The following LRP5 variants were observed in gnomAD, a reference collection of about 807,000 sequenced individuals.
The protein encoded by LRP5 is low-density lipoprotein receptor-related protein 5.
A neutral mutation model predicts 154.1 loss-of-function variants in LRP5; 62 were observed. That is an observed-to-expected ratio of 0.40 (90% CI 0.33 to 0.50). The LOEUF is 0.50. Among genes scored for constraint, LRP5 ranks in the 20% least tolerant of loss-of-function variants. The pLI, the probability that LRP5 is intolerant of heterozygous loss-of-function variation, is 0.55. For missense variants in LRP5, 1,915 were observed against 2,336.7 expected (o/e 0.82, Z 3.72); for synonymous variants, 966 against 1,011.5 (o/e 0.96, Z 0.85).
At chr11:68,317,143 C>T (rs930944143) in intron 1 of LRP5, among the ~76,000 whole-genome samples, 1 of 152,194 alleles carries the variant, frequency 6.6e-6, no homozygotes, top group Non-Finnish European at 1.5e-5. Flanking sequence ...TGCTACGAGC[C>T]GGCCTCAGGG....
At chr11:68,424,174 G>A (rs949155620) in intron 14 of LRP5, among the ~76,000 whole-genome samples, 3 of 152,208 alleles carry the variant, frequency 2.0e-5, no homozygotes, top group African/African-American at 7.2e-5. Flanking sequence ...GCCAGGGAAA[G>A]AGGGAGACCG....
intron 7 of LRP5, among the ~76,000 whole-genome samples, chr11:68,390,431 A>C (rs530852309): frequency 1.3e-5 from 2 of 152,348 alleles, no homozygotes; most frequent in South Asian, 4.1e-4. Flanking sequence ...ATTAAGACAA[A>C]AAGTTAATCA....
chr11:68,400,173 C>T (rs1241674921), intron 7 of LRP5, among the ~76,000 whole-genome samples: 2 of 152,142 alleles, frequency 1.3e-5, no homozygotes, highest in Non-Finnish European at 2.9e-5. Context: ...CAGCCCGTCG[C>T]CTCCTCTCAC....
chr11:68,396,389 C>T (rs143795563), intron 7 of LRP5, among the ~76,000 whole-genome samples: 4 of 152,218 alleles, frequency 2.6e-5, no homozygotes, highest in Non-Finnish European at 4.4e-5. Flanking sequence ...TGGTGGTGTG[C>T]GCAGCTGGGC....
At position 68,437,666 on chromosome 11, in the gene LRP5, G is replaced by C. The variant is rs549320461; in HGVS notation, c.4111+667G>C. Among the ~76,000 whole-genome samples, 78 of 152,368 alleles carry C rather than the reference G, an allele frequency of 5.1e-4. No individual in the cohort carries two copies. In the South Asian group the frequency reaches 0.015, roughly 29 times the overall value. The stretch of plus-strand genomic sequence containing the variant: ...CTCTCTTATGGCTGCAGTCGGGAGA[G>C]AAGTCTGTTGGGGGGAGAAGGGGGC... On this transcript the variant is annotated intron_variant, in intron 19 of 22. Transcript: ENST00000294304.
At chr11:68,388,985 CATTTACCAACACT>C (rs2098644564) in intron 6 of LRP5, among the ~76,000 whole-genome samples, 1 of 151,764 alleles carries the variant, frequency 6.6e-6, no homozygotes, top group African/African-American at 2.4e-5. Context: ...CCGACACTGA[CATTTACCAACACT>C]GTTTACCAAC....
At chr11:68,418,594 C>T (rs1194349650) in intron 13 of LRP5, among the ~76,000 whole-genome samples, 2 of 152,144 alleles carry the variant, frequency 1.3e-5, no homozygotes, top group Non-Finnish European at 2.9e-5. Flanking sequence ...AGGCTGGTGC[C>T]GTCCAGACAG....
chr11:68,305,982 G>A, the LRP5 span, among the ~76,000 whole-genome samples: 31 of 152,322 alleles, frequency 2.0e-4, no homozygotes, highest in South Asian at 1.9e-3. Flanking sequence ...GCTGTGCTCC[G>A]TCTGGAGGCT....
intron 7 of LRP5, among the ~76,000 whole-genome samples, chr11:68,397,198 G>A (rs550433928): frequency 6.6e-6 from 1 of 152,276 alleles, no homozygotes; most frequent in Non-Finnish European, 1.5e-5. Context: ...TCAGCCAGGG[G>A]AAGGCCTGGC....
chr11:68,391,160 G>A (rs2098646092), intron 7 of LRP5, among the ~76,000 whole-genome samples: 1 of 152,132 alleles, frequency 6.6e-6, no homozygotes, highest in South Asian at 2.1e-4. Flanking sequence ...GTAGACAGGG[G>A]GTTTCACCAT....
chr11:68,399,396 T>C (rs934698243), intron 7 of LRP5, among the ~76,000 whole-genome samples: 3 of 151,578 alleles, frequency 2.0e-5, no homozygotes, highest in African/African-American at 7.3e-5. Context: ...CCAAAAAACA[T>C]GTATTGGAAC....
intron 16 of LRP5, among the ~76,000 whole-genome samples, 164 bp from the exon 17 acceptor site, chr11:68,429,411 T>A (rs1276943841): frequency 6.6e-6 from 1 of 152,102 alleles, no homozygotes; most frequent in African/African-American, 2.4e-5. Context: ...GTAGGAAGAC[T>A]CTGTAGGCTG....
At chr11:68,328,441 G>A (rs1424571143) in intron 1 of LRP5, among the ~76,000 whole-genome samples, 2 of 152,172 alleles carry the variant, frequency 1.3e-5, no homozygotes, top group Non-Finnish European at 1.5e-5. Context: ...TGCGTTCTGA[G>A]CTCGGTCCTC....
chr11:68,352,612 G>T (rs2098619658), intron 2 of LRP5, among the ~76,000 whole-genome samples: 1 of 152,088 alleles, frequency 6.6e-6, no homozygotes, highest in South Asian at 2.1e-4. Flanking sequence ...TAGGTGCTCG[G>T]TTGGAAGGTG....
At chr11:68,402,538 T>A (rs2098653188) in intron 7 of LRP5, among the ~76,000 whole-genome samples, 1 of 152,052 alleles carries the variant, frequency 6.6e-6, no homozygotes, top group East Asian at 1.9e-4. Context: ...GCGGGAGAAC[T>A]TTGCCCCAGG....
intron 7 of LRP5, among the ~76,000 whole-genome samples, chr11:68,390,701 T>TGTG: frequency 1.0e-5 from 1 of 96,044 alleles, no homozygotes; most frequent in Admixed American, 1.1e-4. Context: ...AGCCTCGCCC[T>TGTG]GCCGCTGTGG....
chr11:68,310,269 G>C (rs538882681), upstream of LRP5, among the ~76,000 whole-genome samples: 4 of 152,112 alleles, frequency 2.6e-5, no homozygotes, highest in South Asian at 8.3e-4. Context: ...GAGGCTAAGT[G>C]GGGTGAAAGA....
At position 68,313,082 on chromosome 11, in the gene LRP5, C is replaced by G. The variant is rs188945519; in HGVS notation, c.91+277C>G. On this transcript the variant is annotated intron_variant, in intron 1 of 22. Coordinates refer to ENST00000294304, the MANE Select transcript of LRP5 (RefSeq NM_002335.4). ...AGGTGCGGCGCGGGCGGGTCCTCAC[C>G]TGCCCGAGCCCGCGGGAAGCCGGGA... Among the ~76,000 whole-genome samples the G allele has an allele frequency of 0.025, 3,774 of 148,452 alleles. 168 individuals are homozygous for G. The highest frequency in any genetic ancestry group is 0.088 in the African/African-American group (3,603 of 40,814).
intron 11 of LRP5, 50 bp downstream of exon 11, chr11:68,411,670 C>G (rs748523147): frequency 1.7e-5 from 27 of 1,553,940 alleles, no homozygotes; most frequent in Non-Finnish European, 2.2e-5. Flanking sequence ...GGCAGCCGGG[C>G]GTTGGCCACC....
Sources: gnomAD v4.1 joint callset for allele counts (sites outside exome capture counted in the v4.1 genomes callset) on GRCh38, gnomAD v4.1.1 for gene constraint, MANE v1.5 for transcripts, NCBI Gene and HGNC (gene_info 2026-07-23, HGNC 2026-07-21) for gene names.